BRCC3: variants seen among roughly 807,000 people sequenced by gnomAD.
BRCC3 encodes lys-63-specific deubiquitinase BRCC36.
A neutral mutation model predicts 28.0 loss-of-function variants in BRCC3; 15 were observed. The observed-to-expected ratio is 0.54, with a 90% CI of 0.36 to 0.82. The LOEUF is 0.82. Ranked by LOEUF, BRCC3 falls within the 40% of genes least tolerant of loss-of-function variation. The probability of loss-of-function intolerance (pLI) is 0.01; values close to 1 mark genes in which losing one functional copy is unlikely to be tolerated. For synonymous variants in BRCC3, 66 were observed against 80.3 expected, an observed-to-expected ratio of 0.82 and a Z score of 0.95; for missense variants, 109 against 225.9, an observed-to-expected ratio of 0.48 and a Z score of 3.32.
At chrX:155,105,444 C>T (rs1187943270) in intron 7 of BRCC3, among the ~76,000 whole-genome samples, 3 of 111,705 alleles carry the variant, frequency 2.7e-5, no homozygotes, top group Non-Finnish European at 5.7e-5. Flanking sequence ...GATTGTGCCA[C>T]TGCCCTCCAG....
At chrX:155,086,703 C>A (rs1000956402) in intron 5 of BRCC3, among the ~76,000 whole-genome samples, 1 of 111,803 alleles carries the variant, frequency 8.9e-6, no homozygotes, top group Non-Finnish European at 1.9e-5. Context: ...TCAAAGCACG[C>A]AGCCTCGTGC....
chrX:155,103,711 T>C (rs1557297139), intron 7 of BRCC3, among the ~76,000 whole-genome samples: 1 of 111,783 alleles, frequency 8.9e-6, no homozygotes, highest in East Asian at 2.8e-4. Context: ...TACAAAAACT[T>C]CAGACATTAT....
chrX:155,113,119 C>CTTT (rs35621321), intron 7 of BRCC3, among the ~76,000 whole-genome samples: 59 of 30,825 alleles, frequency 1.9e-3, no homozygotes, highest in Middle Eastern at 0.028. Flanking sequence ...GGCTTGCTTG[C>CTTT]TTTTTTTTTT....
At chrX:155,077,117 G>A (rs781852923) in intron 3 of BRCC3, 53 bp from the exon 4 acceptor site, 1 of 1,060,326 alleles carries the variant, frequency 9.4e-7, no homozygotes, top group Non-Finnish European at 1.3e-6. Flanking sequence ...GTTGAAGGGG[G>A]ATGTGTTATT....
intron 7 of BRCC3, among the ~76,000 whole-genome samples, chrX:155,108,553 A>C (rs1157699410): frequency 8.9e-6 from 1 of 112,276 alleles, no homozygotes; most frequent in Non-Finnish European, 1.9e-5. Context: ...ACTGACAATT[A>C]GTATTTTCTG....
At chrX:155,085,148 A>G (rs781783075) in intron 5 of BRCC3, among the ~76,000 whole-genome samples, 1 of 112,434 alleles carries the variant, frequency 8.9e-6, no homozygotes, top group African/African-American at 3.2e-5. Context: ...GAGAAGGCCT[A>G]TTTCTGAAAT....
At chrX:155,084,564 T>C (rs1156793451) in intron 5 of BRCC3, among the ~76,000 whole-genome samples, 1 of 111,693 alleles carries the variant, frequency 9.0e-6, no homozygotes, top group Non-Finnish European at 1.9e-5. Context: ...GGGGTTTCAC[T>C]GTGTTAGCCA....
At chrX:155,109,117 C>A (rs1026123874) in intron 7 of BRCC3, among the ~76,000 whole-genome samples, 1 of 111,269 alleles carries the variant, frequency 9.0e-6, no homozygotes, top group East Asian at 2.8e-4. Context: ...TTAAATCAGT[C>A]GTCCCTATAT....
At chrX:155,088,774 T>C (rs1378299172) in intron 5 of BRCC3, among the ~76,000 whole-genome samples, 1 of 111,906 alleles carries the variant, frequency 8.9e-6, no homozygotes, top group Non-Finnish European at 1.9e-5. Context: ...AGTAACCATA[T>C]AGGAGGGGTT....
intron 7 of BRCC3, among the ~76,000 whole-genome samples, chrX:155,111,472 T>C (rs1446815966): frequency 8.9e-6 from 1 of 112,091 alleles, no homozygotes; most frequent in Non-Finnish European, 1.9e-5. Flanking sequence ...TTCTGGTCAA[T>C]TGATCTTCAA....
chrX:155,099,309 C>G, intron 7 of BRCC3: 1 of 1,207,466 alleles, frequency 8.3e-7, no homozygotes, highest in Non-Finnish European at 1.1e-6. Flanking sequence ...TGGTTTCCAT[C>G]CTAAGGTCCC....
chrX:155,092,856 A>G (rs1449290929), intron 7 of BRCC3, among the ~76,000 whole-genome samples: 1 of 111,085 alleles, frequency 9.0e-6, no homozygotes, highest in Non-Finnish European at 1.9e-5. Context: ...AAGACTCTCT[A>G]GTAACTTCCT....
intron 7 of BRCC3, among the ~76,000 whole-genome samples, chrX:155,104,029 TC>T (rs1557297178): frequency 9.0e-6 from 1 of 111,687 alleles, no homozygotes; most frequent in Non-Finnish European, 1.9e-5. Flanking sequence ...TCTAAAAGTC[TC>T]ATTTGGATCT....
chrX:155,080,307 A>G (rs1411518836), intron 5 of BRCC3, among the ~76,000 whole-genome samples: 3 of 111,993 alleles, frequency 2.7e-5, no homozygotes, highest in African/African-American at 9.7e-5. Context: ...AAAATACCTT[A>G]TAAGTATCTG....
intron 9 of BRCC3, among the ~76,000 whole-genome samples, chrX:155,118,242 A>G (rs1557299052): frequency 8.9e-6 from 1 of 112,300 alleles, no homozygotes. Context: ...CAACAATAAA[A>G]AGAACAAACT....
chrX:155,086,699 C>G (rs966370870), intron 5 of BRCC3, among the ~76,000 whole-genome samples: 3 of 111,754 alleles, frequency 2.7e-5, no homozygotes, highest in Non-Finnish European at 3.8e-5. Flanking sequence ...CTATTCAAAG[C>G]ACGCAGCCTC....
At chrX:155,086,695 A>G (rs2074132368) in intron 5 of BRCC3, among the ~76,000 whole-genome samples, 1 of 111,608 alleles carries the variant, frequency 9.0e-6, no homozygotes, top group African/African-American at 3.3e-5. Flanking sequence ...TGGCCTATTC[A>G]AAGCACGCAG....
chrX:155,121,836 C>G lies in BRCC3; in HGVS notation c.*632C>G, dbSNP rs1477548484. Reference sequence around the variant, plus strand: ...TGGAATATATAAAGTGTACTAAAAACTCAACTGAAGTCAGGCATGGTAGCT... The same window carrying G: ...TGGAATATATAAAGTGTACTAAAAAGTCAACTGAAGTCAGGCATGGTAGCT... On this transcript the variant is annotated 3_prime_UTR_variant, in exon 11 of 11. Coordinates refer to ENST00000330045, the MANE Select transcript of BRCC3 (RefSeq NM_001018055.3). 7 of 112,365 alleles carry G rather than the reference C, an allele frequency of 6.2e-5. No homozygotes were observed. Among genetic ancestry groups the G allele is most frequent in the African/African-American group, 2.3e-4 (7 of 30,899 alleles). The allele number at this position is 112,365 out of a possible 1,213,427, so 9.3% of individuals were successfully genotyped here. A position where few individuals can be genotyped will look rare whatever the true frequency, so the allele number is the denominator to read the frequency against.
At chrX:155,104,572 T>A (rs1557297242) in intron 7 of BRCC3, among the ~76,000 whole-genome samples, 2 of 112,394 alleles carry the variant, frequency 1.8e-5, no homozygotes, top group African/African-American at 6.5e-5. Context: ...TTGTTTCTCT[T>A]CCTATGCAGC....
Sources: allele counts gnomAD v4.1 joint callset (sites outside exome capture counted in the v4.1 genomes callset), GRCh38; gene constraint gnomAD v4.1.1; transcripts MANE v1.5; gene names NCBI Gene and HGNC (gene_info 2026-07-23, HGNC 2026-07-21).